FBXO16: variants seen among roughly 807,000 people sequenced by gnomAD.
The protein encoded by FBXO16 is F-box only protein 16.
Under a neutral mutation model 41.0 loss-of-function variants are expected in FBXO16, and 31 were observed. The observed-to-expected ratio is 0.76, with a 90% confidence interval of 0.57 to 1.02. FBXO16 has a LOEUF of 1.02. FBXO16 is among the 50% of genes least tolerant of loss of function. FBXO16 has a pLI of 0.00. For synonymous variants in FBXO16, 133 were observed against 117.8 expected (o/e 1.13, Z -0.84); for missense variants, 361 against 346.2 (o/e 1.04, Z -0.34).
intron 2 of FBXO16, among the ~76,000 whole-genome samples, chr8:28,477,746 T>C (rs1414058829): frequency 2.0e-5 from 3 of 152,238 alleles, no homozygotes; most frequent in Admixed American, 6.5e-5. Context: ...CAGTTTGATA[T>C]AGCTGGGCAT....
At chr8:28,476,040 T>G (rs1563369396) in intron 2 of FBXO16, among the ~76,000 whole-genome samples, 1 of 152,182 alleles carries the variant, frequency 6.6e-6, no homozygotes, top group African/African-American at 2.4e-5. Flanking sequence ...CTTACATTCT[T>G]GATGTACTTC....
chr8:28,428,744 G>A lies in FBXO16; in HGVS notation c.870-8C>T, dbSNP rs1356811272. ...GCTGGCACTTAGGGACATCTAGAAA[G>A]GAAAAAGGAATCATGAAAGCGAGGG... On this transcript the variant is annotated splice_polypyrimidine_tract_variant and splice_region_variant and intron_variant, in intron 8 of 8. Transcript: ENST00000380254. 1 of 1,512,428 alleles carries A rather than the reference G, an allele frequency of 6.6e-7. No individual in the cohort carries two copies. The highest frequency in any genetic ancestry group is 8.8e-7 in the Non-Finnish European group (1 of 1,134,928). The allele number at this position is 1,512,428 out of a possible 1,614,324, so 93.7% of individuals were successfully genotyped here. A position where few individuals can be genotyped will look rare whatever the true frequency, so the allele number is the denominator to read the frequency against.
chr8:28,432,657 G>A (rs979557459), intron 7 of FBXO16, among the ~76,000 whole-genome samples: 6 of 152,142 alleles, frequency 3.9e-5, no homozygotes, highest in Admixed American at 2.6e-4. Context: ...GACCCTTTAC[G>A]AATGTGCAGC....
At chr8:28,433,071 AAAC>A (rs1802634097) in intron 7 of FBXO16, among the ~76,000 whole-genome samples, 1 of 141,978 alleles carries the variant, frequency 7.0e-6, no homozygotes, top group African/African-American at 2.8e-5. Flanking sequence ...AAAAAAAAAA[AAAC>A]AAACAAAAAA....
chr8:28,432,720 T>G lies in FBXO16; in HGVS notation c.844-3317A>C, dbSNP rs538305430. 1.6e-4 allele frequency among the ~76,000 whole-genome samples: 25 copies of G among 152,286 alleles called. 1 individual carries two copies. In the South Asian group the frequency reaches 5.0e-3, roughly 30 times the overall value. ...GGTAGGTGGACGTTGCCAATGGCCA[T>G]GCCGTCCATCAGCATTCCTAGTGCT... is the stretch of plus-strand genomic sequence containing the variant. On this transcript the variant is annotated intron_variant, in intron 7 of 8. Coordinates refer to ENST00000380254, the MANE Select transcript of FBXO16 (RefSeq NM_172366.4).
In FBXO16 at chr8:28,444,600, C is replaced by T. The variant is rs1173389515; in HGVS notation, c.843+2571G>A. On this transcript the variant is annotated intron_variant, in intron 7 of 8. Transcript: ENST00000380254. ...TCACGCCATTCTCCTGCCTCAGCCT[C>T]CCGAGTAGCTTGGACTACAAGCACC... is the stretch of plus-strand genomic sequence containing the variant. 4.0e-5 allele frequency among the ~76,000 whole-genome samples: 6 copies of T among 150,370 alleles called. No homozygotes were observed. The East Asian group carries it at 1.2e-3, about 29-fold the overall frequency.
intron 5 of FBXO16, among the ~76,000 whole-genome samples, chr8:28,453,351 C>CA (rs1802986486): frequency 6.6e-6 from 1 of 151,746 alleles, no homozygotes; most frequent in Non-Finnish European, 1.5e-5. Flanking sequence ...CACATTCCCC[C>CA]AAAAAAGTAC....
At chr8:28,430,216 G>C (rs146844706) in intron 7 of FBXO16, among the ~76,000 whole-genome samples, 160 of 152,222 alleles carry the variant, frequency 1.1e-3, no homozygotes, top group African/African-American at 3.7e-3. Context: ...GGGACTACAG[G>C]TATGCACAAC....
intron 3 of FBXO16, among the ~76,000 whole-genome samples, chr8:28,469,355 A>G (rs1803295034): frequency 6.6e-6 from 1 of 151,726 alleles, no homozygotes; most frequent in Admixed American, 6.6e-5. Flanking sequence ...AAGTCTTGCT[A>G]TGTGGCCCAG....
chr8:28,460,783 A>C (rs913619300), intron 4 of FBXO16, among the ~76,000 whole-genome samples: 16 of 152,040 alleles, frequency 1.1e-4, no homozygotes, highest in Non-Finnish European at 2.2e-4. Context: ...TTCCCAGGCT[A>C]GAGTACAGTG....
chr8:28,453,159 A>T (rs1408126520), intron 5 of FBXO16, among the ~76,000 whole-genome samples: 1 of 152,190 alleles, frequency 6.6e-6, no homozygotes, highest in Non-Finnish European at 1.5e-5. Flanking sequence ...CAGAAGAGGA[A>T]ATAGAATATA....
chr8:28,444,989 CCAT>C (rs1474930232), intron 7 of FBXO16, among the ~76,000 whole-genome samples: 3 of 151,862 alleles, frequency 2.0e-5, no homozygotes, highest in African/African-American at 7.3e-5. Context: ...GGGCAAACTA[CCAT>C]CCTGTGGAGA....
intron 2 of FBXO16, among the ~76,000 whole-genome samples, chr8:28,476,311 C>G (rs1260132106): frequency 1.3e-5 from 2 of 152,176 alleles, no homozygotes; most frequent in Non-Finnish European, 2.9e-5. Context: ...CATCTAGACT[C>G]AAGTAGAAAC....
intron 3 of FBXO16, among the ~76,000 whole-genome samples, chr8:28,464,954 A>G (rs1803210586): frequency 6.6e-6 from 1 of 152,182 alleles, no homozygotes; most frequent in Non-Finnish European, 1.5e-5. Flanking sequence ...GCCCGGCTAT[A>G]AACAGAATTT....
intron 4 of FBXO16, among the ~76,000 whole-genome samples, chr8:28,462,348 G>A (rs1162881890): frequency 6.7e-5 from 10 of 148,970 alleles, no homozygotes; most frequent in Non-Finnish European, 1.3e-4. Flanking sequence ...GCGCATTCTC[G>A]GCTTACTGCA....
At chr8:28,438,186 C>T (rs1271251272) in intron 7 of FBXO16, among the ~76,000 whole-genome samples, 1 of 152,056 alleles carries the variant, frequency 6.6e-6, no homozygotes, top group African/African-American at 2.4e-5. Flanking sequence ...CGTGGTGGTA[C>T]ACACCTGTAA....
Position 28,465,803 on chromosome 8 carries a change from GTTTTGT to G in FBXO16, c.136-1991_136-1986del, listed in dbSNP as rs201754476. 3.3e-3 allele frequency among the ~76,000 whole-genome samples: 493 copies of G among 151,662 alleles called. 3 individuals carry two copies. The highest frequency in any genetic ancestry group is 0.011 in the African/African-American group (469 of 41,160). On this transcript the variant is annotated intron_variant, in intron 3 of 8. Coordinates refer to ENST00000380254, the MANE Select transcript of FBXO16 (RefSeq NM_172366.4). ...CCTGTTTTGGGTTTTTGTTGTTGTT[GTTTTGT>G]TTTTGTTTTTGTTTTTGGTCCTGGT...
chr8:28,453,449 C>A (rs570774597), intron 5 of FBXO16, among the ~76,000 whole-genome samples: 1 of 152,046 alleles, frequency 6.6e-6, no homozygotes, highest in African/African-American at 2.4e-5. Context: ...AAAACCTCAA[C>A]CACTCCCAAA....
At chr8:28,470,017 C>T (rs764404962) in intron 3 of FBXO16, among the ~76,000 whole-genome samples, 3 of 151,676 alleles carry the variant, frequency 2.0e-5, no homozygotes, top group Non-Finnish European at 4.4e-5. Context: ...ACAGTGAAAC[C>T]CCGTCTCTAC....
Sources: gnomAD v4.1 joint callset for allele counts (sites outside exome capture counted in the v4.1 genomes callset) on GRCh38, gnomAD v4.1.1 for gene constraint, MANE v1.5 for transcripts, NCBI Gene and HGNC (gene_info 2026-07-23, HGNC 2026-07-21) for gene names.